Variants in SCUBE1 observed in about 807,000 individuals in gnomAD.
SCUBE1 encodes the protein signal peptide, CUB domain and EGF like domain containing 1, also known as signal peptide, CUB and EGF-like domain-containing protein 1.
SCUBE1 carries 59 observed loss-of-function variants against 124.4 expected under a neutral mutation model. That is an observed-to-expected ratio of 0.47 (90% CI 0.38 to 0.59). The LOEUF is 0.59. Among genes scored for constraint, SCUBE1 ranks in the 20% least tolerant of loss-of-function variants. The pLI is 0.00. For synonymous variants in SCUBE1, 545 were observed against 550.9 expected (o/e 0.99, Z 0.15); for missense variants, 1,150 against 1,371.2 (o/e 0.84, Z 2.55).
chr22:43,343,148 G>C (rs1252540928), intron 1 of SCUBE1, 26 bp downstream of exon 1: 2 of 1,123,424 alleles, frequency 1.8e-6, no homozygotes, highest in Non-Finnish European at 2.2e-6. Flanking sequence ...CGCGCCCGCC[G>C]CCCCCCACCT....
intron 4 of SCUBE1, among the ~76,000 whole-genome samples, chr22:43,284,755 A>ATAGTCG (rs1555886374): frequency 6.7e-6 from 1 of 149,190 alleles, no homozygotes; most frequent in Non-Finnish European, 1.5e-5. Flanking sequence ...TGCAATCATC[A>ATAGTCG]TCGTCATCGT....
intron 10 of SCUBE1, among the ~76,000 whole-genome samples, chr22:43,226,000 A>G (rs1462918872): frequency 6.6e-6 from 1 of 152,206 alleles, no homozygotes; most frequent in Non-Finnish European, 1.5e-5. Flanking sequence ...CCTGAAAAGC[A>G]CAGCAAGTCC....
In SCUBE1 at chr22:43,203,881, A is replaced by C; in HGVS notation, c.*116T>G. 1 of 1,143,144 alleles carries C rather than the reference A, an allele frequency of 8.7e-7. No homozygotes were observed. The highest frequency in any genetic ancestry group is 1.5e-5 in the South Asian group (1 of 68,328). The allele number at this position is 1,143,144 out of a possible 1,614,324, so 70.8% of individuals were successfully genotyped here. A position where few individuals can be genotyped will look rare whatever the true frequency, so the allele number is the denominator to read the frequency against. ...CTCCATGGGCTGGTCGGCTTCCCTG[A>C]AGGGCAGTGCCATGGGGTTCCCAAG... On this transcript the variant is annotated 3_prime_UTR_variant, in exon 22 of 22. Coordinates refer to ENST00000360835, the MANE Select transcript of SCUBE1 (RefSeq NM_173050.5).
chr22:43,285,089 C>T (rs1032053685), intron 4 of SCUBE1, among the ~76,000 whole-genome samples: 1 of 152,180 alleles, frequency 6.6e-6, no homozygotes. Context: ...TGTTCCAGTG[C>T]ATAAAACCCC....
intron 3 of SCUBE1, among the ~76,000 whole-genome samples, chr22:43,302,141 C>T (rs953206708): frequency 2.6e-5 from 4 of 152,196 alleles, no homozygotes; most frequent in Non-Finnish European, 4.4e-5. Flanking sequence ...TAGCCTTGCC[C>T]GAGAGTGGGG....
chr22:43,304,782 T>C (rs1324120338), intron 3 of SCUBE1, among the ~76,000 whole-genome samples: 1 of 151,982 alleles, frequency 6.6e-6, no homozygotes, highest in Non-Finnish European at 1.5e-5. Flanking sequence ...ATGTCCTCCC[T>C]TCACCCCATC....
chr22:43,262,411 G>A (rs1264609093), intron 5 of SCUBE1, among the ~76,000 whole-genome samples: 1 of 152,204 alleles, frequency 6.6e-6, no homozygotes, highest in Non-Finnish European at 1.5e-5. Flanking sequence ...ACCTGGTCCT[G>A]TAGACCTCTG....
At chr22:43,308,624 G>T (rs955649479) in intron 3 of SCUBE1, among the ~76,000 whole-genome samples, 2 of 152,252 alleles carry the variant, frequency 1.3e-5, no homozygotes, top group Non-Finnish European at 2.9e-5. Context: ...CCGCGATGGC[G>T]CAGGCCCTTT....
At chr22:43,297,275 A>G (rs5759264) in intron 3 of SCUBE1, among the ~76,000 whole-genome samples, 124,310 of 152,204 alleles carry the variant, frequency 0.82, 51,405 homozygotes, top group East Asian at 1. Flanking sequence ...CCTGGGTCTC[A>G]GCCTCCAGCC....
chr22:43,321,040 C>T (rs1926527897), intron 2 of SCUBE1, among the ~76,000 whole-genome samples: 1 of 152,206 alleles, frequency 6.6e-6, no homozygotes, highest in Non-Finnish European at 1.5e-5. Flanking sequence ...CCCTGACCTC[C>T]AGAGGCTCCG....
At chr22:43,252,386 T>C (rs954888401) in intron 6 of SCUBE1, among the ~76,000 whole-genome samples, 5 of 152,208 alleles carry the variant, frequency 3.3e-5, no homozygotes, top group Non-Finnish European at 5.9e-5. Context: ...TTCTAAGAGA[T>C]GGCCACTTTG....
intron 7 of SCUBE1, 22 bp downstream of exon 7, chr22:43,238,816 C>T (rs773741405): frequency 6.3e-6 from 10 of 1,591,554 alleles, no homozygotes; most frequent in Non-Finnish European, 8.6e-6. Flanking sequence ...GCAGGGGCAC[C>T]CACACAGCTC....
intron 4 of SCUBE1, chr22:43,283,792 T>C (rs959613129): frequency 3.9e-5 from 6 of 152,276 alleles, no homozygotes. Context: ...CAGCTTCTTA[T>C]GGATCTACAA....
intron 6 of SCUBE1, among the ~76,000 whole-genome samples, chr22:43,249,710 G>C (rs553791054): frequency 6.6e-6 from 1 of 152,238 alleles, no homozygotes; most frequent in Non-Finnish European, 1.5e-5. Context: ...TGAGGCTGTA[G>C]CCCCGTGAGC....
chr22:43,220,906 G>A (rs1322462689), intron 13 of SCUBE1, among the ~76,000 whole-genome samples: 1 of 152,182 alleles, frequency 6.6e-6, no homozygotes, highest in Non-Finnish European at 1.5e-5. Context: ...CCTGCTGCGT[G>A]CTGAGAGCTC....
intron 4 of SCUBE1, among the ~76,000 whole-genome samples, chr22:43,275,692 G>C (rs970211466): frequency 6.6e-6 from 1 of 152,246 alleles, no homozygotes. Flanking sequence ...GGAAGGGAGG[G>C]GAATGGGAAA....
intron 7 of SCUBE1, chr22:43,232,494 C>G (rs1922595114): frequency 6.5e-6 from 1 of 153,264 alleles, no homozygotes; most frequent in African/African-American, 2.4e-5. Flanking sequence ...AGAGGGAAAG[C>G]ACCTGGTTCA....
At chr22:43,218,718 C>T (rs1018446095) in intron 14 of SCUBE1, among the ~76,000 whole-genome samples, 2 of 152,196 alleles carry the variant, frequency 1.3e-5, no homozygotes, top group Admixed American at 6.5e-5. Flanking sequence ...ACCACATCAC[C>T]CCCCAGGGTA....
At chr22:43,212,727 A>T in intron 16 of SCUBE1, 135 bp from the exon 17 acceptor site, 1 of 692,238 alleles carries the variant, frequency 1.4e-6, no homozygotes, top group Non-Finnish European at 2.3e-6. Flanking sequence ...TGGGGTGGGG[A>T]CGGGGTGGGG....
Sources: gnomAD v4.1 joint callset for allele counts (sites outside exome capture counted in the v4.1 genomes callset) on GRCh38, gnomAD v4.1.1 for gene constraint, MANE v1.5 for transcripts, NCBI Gene and HGNC (gene_info 2026-07-23, HGNC 2026-07-21) for gene names.